Variants in ANK2 observed in about 807,000 individuals in gnomAD.
ANK2 encodes ankyrin-2.
In ANK2, 83 loss-of-function variants were observed where a neutral mutation model predicts 360.5. The observed-to-expected ratio is 0.23, with a 90% CI of 0.19 to 0.28. ANK2 has a LOEUF of 0.28. ANK2 is among the 10% of genes least tolerant of loss of function. The probability of loss-of-function intolerance (pLI) is 1.00; values close to 1 mark genes in which losing one functional copy is unlikely to be tolerated. For synonymous variants in ANK2, 1,740 were observed against 1,759.5 expected, an observed-to-expected ratio of 0.99 and a Z score of 0.28; for missense variants, 4,201 against 4,795.7, an observed-to-expected ratio of 0.88 and a Z score of 3.66.
chr4:112,815,652 C>T (rs1005958741), upstream of ANK2, among the ~76,000 whole-genome samples: 2 of 152,172 alleles, frequency 1.3e-5, no homozygotes, highest in African/African-American at 4.8e-5. Context: ...ATCCACCACA[C>T]CTCCATAGAG....
chr4:112,773,323 A>G, the ANK2 span, among the ~76,000 whole-genome samples: 1 of 152,214 alleles, frequency 6.6e-6, no homozygotes, highest in Non-Finnish European at 1.5e-5. Flanking sequence ...TCTTATTATT[A>G]GTTTAAAAAA....
intron 1 of ANK2, among the ~76,000 whole-genome samples, chr4:112,892,935 T>G (rs922041729): frequency 3.3e-5 from 5 of 152,192 alleles, no homozygotes; most frequent in African/African-American, 1.2e-4. Context: ...GGGTAAATCT[T>G]CATTCATTTG....
intron 2 of ANK2, among the ~76,000 whole-genome samples, chr4:112,938,688 G>C (rs1450989831): frequency 2.6e-5 from 4 of 152,300 alleles, no homozygotes; most frequent in South Asian, 4.1e-4. Flanking sequence ...CTAGATAGCA[G>C]AGATAAGAAA....
intron 1 of ANK2, chr4:112,881,888 CTT>C (rs2076793949): frequency 1.4e-6 from 1 of 725,354 alleles, no homozygotes; most frequent in Admixed American, 1.8e-5. Context: ...AGACCGCTCT[CTT>C]TGGTTCCACA....
At chr4:113,237,247 T>C (rs931329289) in intron 6 of ANK2, 75 bp downstream of exon 6, 5 of 1,502,306 alleles carry the variant, frequency 3.3e-6, no homozygotes, top group Admixed American at 1.7e-5. Context: ...GATAAAGAAG[T>C]AGGCCATGGT....
chr4:113,347,854 G>A (rs958489926), intron 35 of ANK2: 2 of 176,850 alleles, frequency 1.1e-5, no homozygotes, highest in African/African-American at 2.4e-5. Context: ...TTAGAATAAT[G>A]CTTCTAAATA....
chr4:112,781,228 A>G, the ANK2 span, among the ~76,000 whole-genome samples: 1 of 151,942 alleles, frequency 6.6e-6, no homozygotes, highest in Non-Finnish European at 1.5e-5. Context: ...TCAAACTCCT[A>G]GGCTCAAGGG....
At chr4:112,795,442 C>A in the ANK2 span, among the ~76,000 whole-genome samples, 1 of 152,146 alleles carries the variant, frequency 6.6e-6, no homozygotes, top group African/African-American at 2.4e-5. Flanking sequence ...ACAAGACCTA[C>A]AGACCCTAAA....
At chr4:113,162,178 A>G (rs540874759) in intron 1 of ANK2, among the ~76,000 whole-genome samples, 1 of 152,110 alleles carries the variant, frequency 6.6e-6, no homozygotes, top group South Asian at 2.1e-4. Context: ...CCTTTTCCAT[A>G]AACTTTCAGA....
chr4:112,787,797 C>T, the ANK2 span, among the ~76,000 whole-genome samples: 1 of 152,304 alleles, frequency 6.6e-6, no homozygotes, highest in East Asian at 1.9e-4. Flanking sequence ...ATGTCTGGAG[C>T]ATCTCACCTC....
At chr4:113,278,003 AT>A in intron 16 of ANK2, 68 bp downstream of exon 16, 1 of 1,431,498 alleles carries the variant, frequency 7.0e-7, no homozygotes, top group Non-Finnish European at 9.7e-7. Flanking sequence ...CTGTAAAGAC[AT>A]TTTTCTCACT....
chr4:112,765,500 T>C, the ANK2 span, among the ~76,000 whole-genome samples: 14 of 152,336 alleles, frequency 9.2e-5, no homozygotes, highest in Non-Finnish European at 1.5e-4. Context: ...TGGCTATAGG[T>C]GGCCTCAAGC....
intron 36 of ANK2, 62 bp downstream of exon 36, chr4:113,348,370 C>T: frequency 6.4e-6 from 10 of 1,551,542 alleles, no homozygotes; most frequent in Non-Finnish European, 8.9e-6. Flanking sequence ...CTAATAAGAG[C>T]ACATAGTTAA....
intron 1 of ANK2, among the ~76,000 whole-genome samples, chr4:112,820,609 T>G (rs572054654): frequency 6.6e-5 from 10 of 152,350 alleles, no homozygotes; most frequent in African/African-American, 2.2e-4. Context: ...CAATTTTGTG[T>G]TTTTAAATTA....
At chr4:113,176,871 A>G (rs1198733103) in intron 2 of ANK2, among the ~76,000 whole-genome samples, 1 of 152,104 alleles carries the variant, frequency 6.6e-6, no homozygotes, top group Non-Finnish European at 1.5e-5. Context: ...ATGAGTGAGA[A>G]CATGCGGTGT....
chr4:113,378,485 G>A (rs1017901393), intron 45 of ANK2, among the ~76,000 whole-genome samples: 1 of 152,160 alleles, frequency 6.6e-6, no homozygotes, highest in Non-Finnish European at 1.5e-5. Flanking sequence ...GTATTACATT[G>A]TGTCGATAGA....
intron 1 of ANK2, among the ~76,000 whole-genome samples, chr4:113,058,889 T>C (rs2071586617): frequency 6.6e-6 from 1 of 152,122 alleles, no homozygotes; most frequent in Admixed American, 6.6e-5. Flanking sequence ...TACCTTAGAG[T>C]GAGTAGTTTA....
At chr4:112,710,166 A>G in the ANK2 span, among the ~76,000 whole-genome samples, 2 of 152,196 alleles carry the variant, frequency 1.3e-5, no homozygotes, top group East Asian at 1.9e-4. Context: ...ACTCAAGTTC[A>G]TAGTTAGGAA....
intron 1 of ANK2, among the ~76,000 whole-genome samples, chr4:112,863,766 C>T (rs1359908107): frequency 2.0e-5 from 3 of 152,044 alleles, no homozygotes; most frequent in African/African-American, 7.2e-5. Context: ...TCGTGATCCT[C>T]CCGCCTCGGC....
Sources: allele counts gnomAD v4.1 joint callset (sites outside exome capture counted in the v4.1 genomes callset), GRCh38; gene constraint gnomAD v4.1.1; transcripts MANE v1.5; gene names NCBI Gene and HGNC (gene_info 2026-07-23, HGNC 2026-07-21).